The following STX5 variants were observed in gnomAD, a reference collection of about 807,000 sequenced individuals.
STX5 encodes syntaxin-5.
In STX5, 15 loss-of-function variants were observed where a neutral mutation model predicts 42.9. That is an observed-to-expected ratio of 0.35 (90% CI 0.23 to 0.54). STX5 has a LOEUF of 0.54. STX5 is among the 20% of genes least tolerant of loss of function. The pLI, the probability that STX5 is intolerant of heterozygous loss-of-function variation, is 0.91. For synonymous variants in STX5, 184 were observed against 173.2 expected, an observed-to-expected ratio of 1.06 and a Z score of -0.49; for missense variants, 430 against 455.0, an observed-to-expected ratio of 0.95 and a Z score of 0.50.
chr11:62,821,627 G>A (rs1244577863), intron 10 of STX5, among the ~76,000 whole-genome samples: 1 of 152,134 alleles, frequency 6.6e-6, no homozygotes, highest in Admixed American at 6.5e-5. Context: ...GGGAGGCTGA[G>A]GCAGGAGAAT....
intron 3 of STX5, 29 bp from the exon 4 acceptor site, chr11:62,827,427 G>C: frequency 6.2e-7 from 1 of 1,614,104 alleles, no homozygotes; most frequent in South Asian, 1.1e-5. Context: ...CAGACTGTGG[G>C]AAAGGGCAGG....
intron 2 of STX5, among the ~76,000 whole-genome samples, chr11:62,828,449 G>A (rs2084818927): frequency 6.6e-6 from 1 of 152,238 alleles, no homozygotes; most frequent in South Asian, 2.1e-4. Flanking sequence ...TTACTCGGCC[G>A]GGTGCAGTGG....
chr11:62,825,400 C>T, intron 6 of STX5, 23 bp downstream of exon 6: 1 of 1,614,146 alleles, frequency 6.2e-7, no homozygotes, highest in Non-Finnish European at 8.5e-7. Flanking sequence ...CTTTGCCTCC[C>T]TCCCTTCCTC....
intron 10 of STX5, among the ~76,000 whole-genome samples, chr11:62,810,903 T>G (rs115569439): frequency 0.024 from 3,708 of 152,336 alleles, 140 homozygotes; most frequent in African/African-American, 0.085. Context: ...AAATTGCTAC[T>G]GAGCCATTCC....
chr11:62,822,549 C>T (rs923085008), intron 10 of STX5, among the ~76,000 whole-genome samples: 4 of 152,072 alleles, frequency 2.6e-5, no homozygotes, highest in South Asian at 2.1e-4. Context: ...TTGTCACCTG[C>T]GGGCCTTTGC....
At chr11:62,814,744 G>A (rs1053113660) in intron 10 of STX5, among the ~76,000 whole-genome samples, 4 of 151,318 alleles carry the variant, frequency 2.6e-5, no homozygotes, top group African/African-American at 7.3e-5. Context: ...TCCTGCATGC[G>A]CCACCACGCT....
intron 10 of STX5, among the ~76,000 whole-genome samples, chr11:62,816,381 C>G (rs1388681301): frequency 6.6e-6 from 1 of 152,138 alleles, no homozygotes; most frequent in Admixed American, 6.5e-5. Flanking sequence ...CTCCTAGACT[C>G]AAGTGATCTT....
At chr11:62,825,167 A>G (rs764194542) in intron 7 of STX5, 50 bp from the exon 8 acceptor site, 23 of 1,611,986 alleles carry the variant, frequency 1.4e-5, no homozygotes, top group Admixed American at 6.7e-5. Flanking sequence ...GAAAGCAGGC[A>G]TGTTAAAGAG....
chr11:62,813,302 T>C (rs959713320), intron 10 of STX5, among the ~76,000 whole-genome samples: 3 of 152,016 alleles, frequency 2.0e-5, no homozygotes, highest in Non-Finnish European at 2.9e-5. Flanking sequence ...AATCAGTCAA[T>C]TCTCCTGACT....
intron 2 of STX5, 76 bp downstream of exon 2, chr11:62,830,943 T>C (rs2084850351): frequency 7.4e-7 from 1 of 1,355,614 alleles, no homozygotes; most frequent in Admixed American, 2.0e-5. Flanking sequence ...ATTACTTCGG[T>C]TAACAGTGGT....
rs564097792 is a variant in STX5 at position 62,807,963 on chromosome 11, G to A, written c.909-335C>T. 2.7e-4 allele frequency: 69 copies of A among 255,530 alleles called. 1 individual carries two copies. The East Asian group carries it at 5.0e-3, about 18-fold the overall frequency. 15.8% of individuals were successfully genotyped at this position (255,530 alleles called of 1,614,324 possible). On this transcript the variant is annotated intron_variant, in intron 10 of 10. Transcript: ENST00000294179. ...AAAGTCCCTAACCCACAAGAGCCCCGAAAATGTTAGTTACAATTTTTCCTC... is the reference window on the plus strand; with the variant it reads ...AAAGTCCCTAACCCACAAGAGCCCCAAAAATGTTAGTTACAATTTTTCCTC...
intron 10 of STX5, 90 bp downstream of exon 10, chr11:62,824,076 A>G: frequency 6.3e-7 from 1 of 1,584,184 alleles, no homozygotes; most frequent in African/African-American, 1.3e-5. Context: ...CTATCTTCCA[A>G]AAGGCATCAA....
intron 10 of STX5, among the ~76,000 whole-genome samples, chr11:62,820,944 G>A (rs2084734011): frequency 6.6e-6 from 1 of 152,026 alleles, no homozygotes; most frequent in Non-Finnish European, 1.5e-5. Context: ...TTGAGTTTCT[G>A]TTTTATTTCA....
chr11:62,830,859 C>T (rs1285925162), intron 2 of STX5, among the ~76,000 whole-genome samples, 160 bp downstream of exon 2: 1 of 152,190 alleles, frequency 6.6e-6, no homozygotes, highest in Non-Finnish European at 1.5e-5. Context: ...AGCCAGCCGA[C>T]CTCTTCTCTG....
At chr11:62,816,633 T>C (rs1465253447) in intron 10 of STX5, among the ~76,000 whole-genome samples, 1 of 151,444 alleles carries the variant, frequency 6.6e-6, no homozygotes, top group Non-Finnish European at 1.5e-5. Context: ...CTATCAGCTA[T>C]TACTCCATTT....
At chr11:62,821,129 G>A (rs2084735797) in intron 10 of STX5, among the ~76,000 whole-genome samples, 1 of 151,670 alleles carries the variant, frequency 6.6e-6, no homozygotes, top group Non-Finnish European at 1.5e-5. Context: ...CCAACATGGT[G>A]AAACCCTGTC....
At chr11:62,808,433 GAAAA>G (rs57347651) in intron 10 of STX5, among the ~76,000 whole-genome samples, 16 of 121,442 alleles carry the variant, frequency 1.3e-4, no homozygotes, top group African/African-American at 3.2e-4. Flanking sequence ...GCCTCAGGGG[GAAAA>G]AAAAAAAAAA....
chr11:62,817,851 TAA>T (rs1859100417), intron 10 of STX5, among the ~76,000 whole-genome samples: 1 of 152,132 alleles, frequency 6.6e-6, no homozygotes, highest in African/African-American at 2.4e-5. Flanking sequence ...ACTTATTATA[TAA>T]GACATGTACC....
rs1355946028 is a variant in STX5, at chr11:62,824,195, C to A, written c.879G>T (p.Met293Ile). Residue 293 changes from methionine to isoleucine, a missense_variant, in exon 10 of 11, where the codon ATG (methionine) becomes ATT (isoleucine). Transcript: ENST00000294179. Reference sequence around the variant, plus strand: ...GAATGGTTTCCTCCTGTTCCTTAACCATGTGTGCCAACTGCTGAAAGATGG... The same window carrying A: ...GAATGGTTTCCTCCTGTTCCTTAACAATGTGTGCCAACTGCTGAAAGATGG... ...LGSIFQQLAH[M>I]VKEQEETIQR... 1.3e-5 allele frequency: 21 copies of A among 1,614,194 alleles called. No homozygotes were observed. The highest frequency in any genetic ancestry group is 1.8e-5 in the Non-Finnish European group (21 of 1,180,042).
Sources: gnomAD v4.1 joint callset for allele counts (sites outside exome capture counted in the v4.1 genomes callset) on GRCh38, gnomAD v4.1.1 for gene constraint, MANE v1.5 for transcripts, NCBI Gene and HGNC (gene_info 2026-07-23, HGNC 2026-07-21) for gene names.